The following KCNIP4 variants were observed in gnomAD, a reference collection of about 807,000 sequenced individuals.
KCNIP4 encodes potassium voltage-gated channel interacting protein 4.
In KCNIP4, 12 loss-of-function variants were observed where a neutral mutation model predicts 34.0. That is an observed-to-expected ratio of 0.35 (90% confidence interval 0.23 to 0.57). The LOEUF (loss-of-function observed/expected upper bound fraction) is 0.57. Ranked by LOEUF, KCNIP4 falls within the 20% of genes least tolerant of loss-of-function variation. KCNIP4 has a pLI of 0.83. For missense variants in KCNIP4, 238 were observed against 311.7 expected, an observed-to-expected ratio of 0.76 and a Z score of 1.78; for synonymous variants, 124 against 102.2, an observed-to-expected ratio of 1.21 and a Z score of -1.29.
intron 1 of KCNIP4, among the ~76,000 whole-genome samples, chr4:21,283,185 T>C (rs1578016500): frequency 1.3e-5 from 2 of 152,188 alleles, no homozygotes; most frequent in Admixed American, 1.3e-4. Flanking sequence ...GGAGTGGAGG[T>C]TAACTGTAAA....
intron 1 of KCNIP4, among the ~76,000 whole-genome samples, chr4:21,475,803 A>G (rs1168608653): frequency 1.3e-5 from 2 of 152,196 alleles, no homozygotes; most frequent in Non-Finnish European, 2.9e-5. Flanking sequence ...ATATAAAAAT[A>G]TGTTCATATT....
At chr4:21,714,879 AT>A (rs1288656958) in intron 1 of KCNIP4, among the ~76,000 whole-genome samples, 7 of 374 alleles carry the variant, frequency 0.019, no homozygotes, top group Middle Eastern at 0.5. Context: ...ATTTTATTTT[AT>A]TTTATTTTAT....
Position 21,372,595 on chromosome 4 carries a change from C to T in KCNIP4, c.62-489886G>A, listed in dbSNP as rs1720569992. Among the ~76,000 whole-genome samples, 2 of 147,022 alleles carry T rather than the reference C, an allele frequency of 1.4e-5. 1 individual carries two copies. Among genetic ancestry groups the T allele is most frequent in the African/African-American group, 5.4e-5 (2 of 36,744 alleles). On this transcript the variant is annotated intron_variant, in intron 1 of 8. Coordinates refer to ENST00000382152, the MANE Select transcript of KCNIP4 (RefSeq NM_025221.6). ...CTGTTTGGGAATACATAGCTAATAT[C>T]TGCAACTAAGGTGAACGTGAGAAAA...
chr4:21,386,079 T>A (rs1363458849), intron 1 of KCNIP4, among the ~76,000 whole-genome samples: 1 of 152,206 alleles, frequency 6.6e-6, no homozygotes, highest in Non-Finnish European at 1.5e-5. Context: ...GGGAAATTAC[T>A]TTTTAGTAGC....
intron 1 of KCNIP4, among the ~76,000 whole-genome samples, chr4:21,196,590 G>A (rs746875659): frequency 6.6e-5 from 10 of 152,134 alleles, no homozygotes; most frequent in East Asian, 1.9e-4. Flanking sequence ...ACAGAGCTCC[G>A]TGCCTAGAAT....
chr4:21,071,278 G>A (rs1421490926), intron 1 of KCNIP4, among the ~76,000 whole-genome samples: 1 of 152,136 alleles, frequency 6.6e-6, no homozygotes, highest in African/African-American at 2.4e-5. Context: ...TATAAAGGGT[G>A]AAGTTAAGAT....
chr4:20,917,038 TATATATATATATAA>T (rs1728915246), intron 1 of KCNIP4, among the ~76,000 whole-genome samples: 1 of 105,582 alleles, frequency 9.5e-6, no homozygotes, highest in Non-Finnish European at 1.9e-5. Context: ...TATATATATA[TATATATATATATAA>T]AATTGAGATG....
At chr4:21,496,589 C>A (rs1732869145) in intron 1 of KCNIP4, among the ~76,000 whole-genome samples, 1 of 152,184 alleles carries the variant, frequency 6.6e-6, no homozygotes, top group African/African-American at 2.4e-5. Flanking sequence ...CGTTTCTCTC[C>A]CATAATATTT....
intron 3 of KCNIP4, among the ~76,000 whole-genome samples, chr4:20,777,862 T>C (rs1756507372): frequency 6.6e-6 from 1 of 152,188 alleles, no homozygotes; most frequent in African/African-American, 2.4e-5. Context: ...AGCTATCAGT[T>C]TGTGCTCCTT....
intron 1 of KCNIP4, among the ~76,000 whole-genome samples, chr4:21,894,090 G>A (rs1483279544): frequency 6.6e-6 from 1 of 151,930 alleles, no homozygotes; most frequent in Non-Finnish European, 1.5e-5. Flanking sequence ...TTAGTCCTTT[G>A]GGAGGCCCAG....
chr4:20,945,636 T>C (rs1450575561), intron 1 of KCNIP4, among the ~76,000 whole-genome samples: 1 of 152,104 alleles, frequency 6.6e-6, no homozygotes, highest in Non-Finnish European at 1.5e-5. Flanking sequence ...CTGGGCCATA[T>C]ATGACAAATT....
chr4:21,558,932 G>A (rs1446975242), intron 1 of KCNIP4, among the ~76,000 whole-genome samples: 1 of 152,154 alleles, frequency 6.6e-6, no homozygotes, highest in Non-Finnish European at 1.5e-5. Flanking sequence ...TCATCATGCT[G>A]TGAAGTGTAT....
intron 1 of KCNIP4, among the ~76,000 whole-genome samples, chr4:21,299,393 C>T (rs1764028710): frequency 6.6e-6 from 1 of 151,872 alleles, no homozygotes; most frequent in Non-Finnish European, 1.5e-5. Context: ...CCAATAGTTC[C>T]CTTTTAGGCA....
intron 1 of KCNIP4, among the ~76,000 whole-genome samples, chr4:21,866,900 T>C (rs1725462337): frequency 6.6e-6 from 1 of 150,798 alleles, no homozygotes; most frequent in Non-Finnish European, 1.5e-5. Flanking sequence ...GCCTCCCCAG[T>C]AGCTGGGACT....
chr4:21,443,544 C>G (rs564470170), intron 1 of KCNIP4, among the ~76,000 whole-genome samples: 1 of 152,226 alleles, frequency 6.6e-6, no homozygotes, highest in South Asian at 2.1e-4. Flanking sequence ...AATTGAATGC[C>G]TTAAGAGCAA....
intron 1 of KCNIP4, among the ~76,000 whole-genome samples, chr4:20,933,481 A>G (rs1419269247): frequency 6.6e-6 from 1 of 152,166 alleles, no homozygotes; most frequent in Non-Finnish European, 1.5e-5. Flanking sequence ...GAAGGTGTTA[A>G]ATTTATGAAG....
At chr4:21,030,019 C>G (rs1436525556) in intron 1 of KCNIP4, among the ~76,000 whole-genome samples, 1 of 152,174 alleles carries the variant, frequency 6.6e-6, no homozygotes, top group African/African-American at 2.4e-5. Context: ...GTTGGAGACT[C>G]CCTTTGCTAT....
At chr4:21,436,243 T>C (rs1412797059) in intron 1 of KCNIP4, among the ~76,000 whole-genome samples, 2 of 152,154 alleles carry the variant, frequency 1.3e-5, no homozygotes, top group East Asian at 3.9e-4. Flanking sequence ...ATATACCTAG[T>C]CAGAGCCTGG....
chr4:21,519,061 G>T (rs988639387), intron 1 of KCNIP4, among the ~76,000 whole-genome samples: 2 of 152,024 alleles, frequency 1.3e-5, no homozygotes, highest in Non-Finnish European at 2.9e-5. Flanking sequence ...CCACGGTCAC[G>T]GTTATCGACT....
Sources: gnomAD v4.1 joint callset for allele counts (sites outside exome capture counted in the v4.1 genomes callset) on GRCh38, gnomAD v4.1.1 for gene constraint, MANE v1.5 for transcripts, NCBI Gene and HGNC (gene_info 2026-07-23, HGNC 2026-07-21) for gene names.